Variants in NFATC3 observed in about 807,000 individuals in gnomAD.
NFATC3 encodes the protein nuclear factor of activated T cells 3.
NFATC3 carries 46 observed loss-of-function variants against 98.6 expected under a neutral mutation model. The ratio of observed to expected loss-of-function variants is 0.47; its 90% CI spans 0.37 to 0.60. NFATC3 has a LOEUF of 0.60. Ranked by LOEUF, NFATC3 falls within the 20% of genes least tolerant of loss-of-function variation. The pLI is 0.00. For synonymous variants in NFATC3, 512 were observed against 472.2 expected, an observed-to-expected ratio of 1.08 and a Z score of -1.09; for missense variants, 1,256 against 1,295.5, an observed-to-expected ratio of 0.97 and a Z score of 0.47.
chr16:68,126,383 C>A, intron 2 of NFATC3, 65 bp from the exon 3 acceptor site: 2 of 1,451,356 alleles, frequency 1.4e-6, no homozygotes, highest in South Asian at 2.6e-5. Flanking sequence ...GGCAAAGAAG[C>A]CATTTGAATC....
chr16:68,226,129 C>A (rs957109516), intron 9 of NFATC3: 3 of 438,972 alleles, frequency 6.8e-6, no homozygotes, highest in African/African-American at 6.2e-5. Flanking sequence ...CCTTCCCAAC[C>A]CAAAATGAAC....
intron 9 of NFATC3, among the ~76,000 whole-genome samples, chr16:68,215,258 C>G (rs1351822001): frequency 6.6e-6 from 1 of 152,216 alleles, no homozygotes; most frequent in African/African-American, 2.4e-5. Context: ...TGGGCCTACC[C>G]TGGTCTCACA....
In NFATC3 at chr16:68,089,309, TTAA is replaced by T. The variant is rs1382932136; in HGVS notation, c.103+3530_103+3532del. On this transcript the variant is annotated intron_variant, in intron 1 of 9. Coordinates refer to ENST00000346183, the MANE Select transcript of NFATC3 (RefSeq NM_173165.3). ...TGATGTGAGATGGACTTGATAACGC[TTAA>T]TAATGTTGTATGTTGTATACATTTG... The T allele has an allele frequency of 5.1e-6, 5 of 979,784 alleles. No individual in the cohort carries two copies. The African/African-American group carries it at 8.8e-5, about 17-fold the overall frequency. The allele number at this position is 979,784 out of a possible 1,614,324, so 60.7% of individuals were successfully genotyped here.
At chr16:68,222,395 C>A (rs967756440) in intron 9 of NFATC3, among the ~76,000 whole-genome samples, 1 of 148,834 alleles carries the variant, frequency 6.7e-6, no homozygotes, top group Non-Finnish European at 1.5e-5. Flanking sequence ...ATTTAAAATC[C>A]GTTTGTAGTT....
At position 68,226,924 on chromosome 16, in the gene NFATC3, G is replaced by GAAAAAAAAAAAAAAAAAA. The variant is rs1567559802; in HGVS notation, c.*462_*463insAAAAAAAAAAAAAAAAAA. 2.3e-5 allele frequency: 2 copies of GAAAAAAAAAAAAAAAAAA among 85,486 alleles called. 1 individual carries two copies. Among genetic ancestry groups the GAAAAAAAAAAAAAAAAAA allele is most frequent in the Non-Finnish European group, 4.6e-5 (2 of 43,568 alleles). The allele number at this position is 85,486 out of a possible 1,614,324, so 5.3% of individuals were successfully genotyped here. On this transcript the variant is annotated 3_prime_UTR_variant, in exon 10 of 10. Coordinates refer to ENST00000346183, the MANE Select transcript of NFATC3 (RefSeq NM_173165.3). ...AAAAAAAAAAAAAAAAAAAAAAAAA[G>GAAAAAAAAAAAAAAAAAA]AAAAAAAAAGAAAAGAAAAAAAGAA... is the stretch of plus-strand genomic sequence containing the variant.
intron 1 of NFATC3, among the ~76,000 whole-genome samples, chr16:68,100,734 CATT>C (rs2035299379): frequency 6.6e-6 from 1 of 151,680 alleles, no homozygotes; most frequent in Admixed American, 6.6e-5. Flanking sequence ...AGTGATACCT[CATT>C]GTGGTTTTAA....
intron 1 of NFATC3, among the ~76,000 whole-genome samples, chr16:68,105,127 G>A (rs1483441109): frequency 2.4e-5 from 3 of 124,172 alleles, no homozygotes; most frequent in East Asian, 2.5e-4. Flanking sequence ...GTCTCACTTT[G>A]TCACCCAGGC....
intron 9 of NFATC3, chr16:68,221,266 A>G: frequency 6.2e-7 from 1 of 1,614,114 alleles, no homozygotes; most frequent in Non-Finnish European, 8.5e-7. Context: ...CAGCAGGAAG[A>G]TATCTGAGGA....
chr16:68,097,969 G>C (rs1282838108), intron 1 of NFATC3, among the ~76,000 whole-genome samples: 1 of 151,862 alleles, frequency 6.6e-6, no homozygotes, highest in East Asian at 1.9e-4. Flanking sequence ...TTTTTTGCGG[G>C]GGTTGGGTGC....
At chr16:68,098,294 ATTATTATTTTTTT>A (rs2035135997) in intron 1 of NFATC3, among the ~76,000 whole-genome samples, 1 of 104,446 alleles carries the variant, frequency 9.6e-6, no homozygotes, top group Non-Finnish European at 1.9e-5. Flanking sequence ...TATTATTATT[ATTATTATTTTTTT>A]TTTTTTTTTT....
At chr16:68,088,565 G>T (rs909726778) in intron 1 of NFATC3, 1 of 148,522 alleles carries the variant, frequency 6.7e-6, no homozygotes, top group South Asian at 2.1e-4. Flanking sequence ...GCAGGGTCTC[G>T]CCCTGTCGCC....
At position 68,191,539 on chromosome 16, in the gene NFATC3, C is replaced by T; in HGVS notation, c.2870C>T (p.Ser957Leu). 6.2e-7 allele frequency: 1 copy of T among 1,614,128 alleles called. No individual in the cohort carries two copies. Among genetic ancestry groups the T allele is most frequent in the Non-Finnish European group, 8.5e-7 (1 of 1,180,040 alleles). ...CCTATGCCTTACCAATCTCCTAGCT[C>T]AGGAACTGCCTCATCACCGTCTCCA... ...LQPMPYQSPS[S>L]GTASSPSPAT... Residue 957 changes from serine (S) to leucine (L), a missense_variant, in exon 9 of 10, where the codon TCA (serine) becomes TTA (leucine). Coordinates refer to ENST00000346183, the MANE Select transcript of NFATC3 (RefSeq NM_173165.3).
chr16:68,184,721 G>T (rs955039050), intron 8 of NFATC3, among the ~76,000 whole-genome samples: 1 of 151,866 alleles, frequency 6.6e-6, no homozygotes. Flanking sequence ...GGAGAATGGC[G>T]TGAACCCAGG....
intron 4 of NFATC3, among the ~76,000 whole-genome samples, chr16:68,165,624 G>C (rs2039156619): frequency 6.6e-6 from 1 of 152,072 alleles, no homozygotes; most frequent in African/African-American, 2.4e-5. Flanking sequence ...TCGAAATACT[G>C]ACCTCAGGTG....
chr16:68,159,791 A>G (rs935592011), intron 4 of NFATC3, among the ~76,000 whole-genome samples: 4 of 151,230 alleles, frequency 2.6e-5, no homozygotes, highest in Non-Finnish European at 1.5e-5. Context: ...TATAAAACAG[A>G]TTTCAGCTGG....
rs2038031979 is a variant in NFATC3, at chr16:68,146,210, T to G, written c.1402-11659T>G. 5.9e-5 allele frequency among the ~76,000 whole-genome samples: 9 copies of G among 152,252 alleles called. No homozygotes were observed. The South Asian group carries it at 1.9e-3, about 32-fold the overall frequency. On this transcript the variant is annotated intron_variant, in intron 3 of 9. Transcript: ENST00000346183. ...TTCTGGATTTTCAGATTAGGGATAT[T>G]CAACCTGTAGTACATATACATACTA...
intron 1 of NFATC3, among the ~76,000 whole-genome samples, chr16:68,105,460 C>T (rs942377586): frequency 6.6e-6 from 1 of 152,110 alleles, no homozygotes; most frequent in African/African-American, 2.4e-5. Context: ...TTGAACCACC[C>T]TTGCATTCCT....
chr16:68,207,958 G>A (rs545784535), intron 9 of NFATC3, among the ~76,000 whole-genome samples: 3 of 152,128 alleles, frequency 2.0e-5, no homozygotes, highest in Non-Finnish European at 4.4e-5. Context: ...TTTCCCTATT[G>A]ACTAATGGTG....
intron 3 of NFATC3, among the ~76,000 whole-genome samples, chr16:68,140,571 A>C (rs1437865395): frequency 6.6e-6 from 1 of 152,216 alleles, no homozygotes; most frequent in South Asian, 2.1e-4. Context: ...TGTCAGAGCA[A>C]CTGGATATCC....
Sources: gnomAD v4.1 joint callset for allele counts (sites outside exome capture counted in the v4.1 genomes callset) on GRCh38, gnomAD v4.1.1 for gene constraint, MANE v1.5 for transcripts, NCBI Gene and HGNC (gene_info 2026-07-23, HGNC 2026-07-21) for gene names.